Variants in HIVEP3 observed in about 807,000 individuals in gnomAD.
HIVEP3 encodes the protein HIVEP zinc finger 3.
A neutral mutation model predicts 152.8 loss-of-function variants in HIVEP3; 49 were observed. The ratio of observed to expected loss-of-function variants is 0.32; its 90% CI spans 0.26 to 0.41. The LOEUF is 0.41. Among genes scored for constraint, HIVEP3 ranks in the 10% least tolerant of loss-of-function variants. The pLI is 1.00. For synonymous variants in HIVEP3, 1,269 were observed against 1,289.0 expected (o/e 0.98, Z 0.33); for missense variants, 2,790 against 3,103.3 (o/e 0.90, Z 2.40).
chr1:41,863,077 T>G (rs1486328351), intron 1 of HIVEP3, among the ~76,000 whole-genome samples: 1 of 152,136 alleles, frequency 6.6e-6, no homozygotes, highest in Admixed American at 6.5e-5. Context: ...CAAACAGAAG[T>G]TGAATTTCAC....
In HIVEP3 at chr1:41,907,357, C is replaced by T. The variant is rs537706523; in HGVS notation, c.-801+11056G>A. Reference sequence around the variant, plus strand: ...AGGAAGCCAATGCCCTACTACTCTGCGGTAGCAGCAAGGTGAGCTCTTACC... The same window carrying T: ...AGGAAGCCAATGCCCTACTACTCTGTGGTAGCAGCAAGGTGAGCTCTTACC... On this transcript the variant is annotated intron_variant, in intron 1 of 8. Transcript: ENST00000372583. Among the ~76,000 whole-genome samples the T allele has an allele frequency of 9.2e-5, 14 of 152,254 alleles. No individual in the cohort carries two copies. The East Asian group carries it at 1.9e-3, about 21-fold the overall frequency.
Position 41,976,024 on chromosome 1 carries a change from A to G in HIVEP3, n.120-57500T>C, listed in dbSNP as rs1351800022. ...CAGCACGTACCAAACTCAGAAATTC[A>G]TCTCAAAACTAGTGGTTTCATCCAC... On this transcript the variant is annotated intron_variant and non_coding_transcript_variant, in intron 1 of 3. Coordinates refer to the HIVEP3 transcript ENST00000489103. Among the ~76,000 whole-genome samples the G allele has an allele frequency of 2.6e-5, 4 of 152,170 alleles. No individual in the cohort carries two copies. In the East Asian group the frequency reaches 7.7e-4, roughly 29 times the overall value.
chr1:41,669,186 C>T (rs1645838533), intron 2 of HIVEP3, among the ~76,000 whole-genome samples: 2 of 152,182 alleles, frequency 1.3e-5, no homozygotes, highest in South Asian at 4.1e-4. Context: ...GGGTCCTGGG[C>T]ACCTGGCTGT....
intron 1 of HIVEP3, among the ~76,000 whole-genome samples, chr1:41,788,419 C>A (rs925086563): frequency 6.6e-6 from 1 of 152,236 alleles, no homozygotes; most frequent in African/African-American, 2.4e-5. Context: ...GACCACTCAG[C>A]CAATGACCCC....
chr1:41,597,353 T>C (rs923741876), intron 3 of HIVEP3, among the ~76,000 whole-genome samples: 1 of 152,302 alleles, frequency 6.6e-6, no homozygotes, highest in African/African-American at 2.4e-5. Context: ...CTGCCAGACT[T>C]GCAGAGGCCC....
At chr1:41,910,049 T>C (rs1232654439) in intron 1 of HIVEP3, among the ~76,000 whole-genome samples, 2 of 151,640 alleles carry the variant, frequency 1.3e-5, no homozygotes, top group Non-Finnish European at 2.9e-5. Flanking sequence ...GAAAAATAGC[T>C]CAAATGTAAA....
rs554365240 is a variant in HIVEP3, at chr1:41,605,747, A to G, written c.-521-20429T>C. On this transcript the variant is annotated intron_variant, in intron 3 of 8. Transcript: ENST00000372583. ...GGGGATGAGTGGGAGAAAGACAGAA[A>G]GATGCTGGGGAAACCCTAATTGTGT... Among the ~76,000 whole-genome samples, 7 of 152,076 alleles carry G rather than the reference A, an allele frequency of 4.6e-5. No individual in the cohort carries two copies. The South Asian group carries it at 1.5e-3, about 32-fold the overall frequency.
At chr1:41,795,881 T>G in intron 1 of HIVEP3, among the ~76,000 whole-genome samples, 1 of 152,186 alleles carries the variant, frequency 6.6e-6, no homozygotes, top group Non-Finnish European at 1.5e-5. Context: ...GCTCATTTTT[T>G]TGTGTGTTTG....
At chr1:41,626,098 G>A (rs2149146122) in intron 3 of HIVEP3, among the ~76,000 whole-genome samples, 1 of 152,330 alleles carries the variant, frequency 6.6e-6, no homozygotes, top group South Asian at 2.1e-4. Context: ...CTTCTGAAGA[G>A]TGGCTGTGAC....
At chr1:41,709,948 G>C (rs192900243) in intron 1 of HIVEP3, among the ~76,000 whole-genome samples, 34 of 152,238 alleles carry the variant, frequency 2.2e-4, no homozygotes, top group African/African-American at 7.9e-4. Flanking sequence ...GTCTGGAGTG[G>C]GGCAGGGGGA....
chr1:41,983,124 C>T (rs984490768), intron 1 of HIVEP3, among the ~76,000 whole-genome samples: 4 of 152,186 alleles, frequency 2.6e-5, no homozygotes, highest in East Asian at 1.9e-4. Flanking sequence ...TGACAGGAGG[C>T]GGAGCTCAGG....
chr1:41,742,944 T>C (rs1647017834), intron 1 of HIVEP3, among the ~76,000 whole-genome samples: 2 of 152,216 alleles, frequency 1.3e-5, no homozygotes, highest in South Asian at 4.1e-4. Context: ...TAAACATCTC[T>C]GTGTCTGTTT....
At chr1:41,720,273 C>A (rs1368166454) in intron 1 of HIVEP3, among the ~76,000 whole-genome samples, 1 of 152,196 alleles carries the variant, frequency 6.6e-6, no homozygotes, top group Non-Finnish European at 1.5e-5. Flanking sequence ...CCCCAGACTG[C>A]AACTCTTGAA....
intron 1 of HIVEP3, among the ~76,000 whole-genome samples, chr1:41,817,141 A>G (rs1642430286): frequency 1.3e-5 from 2 of 152,210 alleles, no homozygotes; most frequent in African/African-American, 4.8e-5. Flanking sequence ...CTGAATGCTT[A>G]TTGAGGAGCC....
chr1:42,000,965 C>T (rs556183973), intron 1 of HIVEP3, among the ~76,000 whole-genome samples: 15 of 152,260 alleles, frequency 9.9e-5, no homozygotes, highest in African/African-American at 2.2e-4. Context: ...ATTCTAAGTG[C>T]GTTACATATA....
In HIVEP3 at chr1:41,908,980, G is replaced by A. The variant is rs141020321; in HGVS notation, c.-801+9433C>T. Among the ~76,000 whole-genome samples, 38 of 152,218 alleles carry A rather than the reference G, an allele frequency of 2.5e-4. No individual in the cohort carries two copies. In the East Asian group the frequency reaches 6.8e-3, roughly 27 times the overall value. On this transcript the variant is annotated intron_variant, in intron 1 of 8. Coordinates refer to ENST00000372583, the MANE Select transcript of HIVEP3 (RefSeq NM_024503.5). ...TAAAAATAAATATATACCTAGATACGCTTTGTGAAACTATAGAACACCAAA... is the reference window on the plus strand; with the variant it reads ...TAAAAATAAATATATACCTAGATACACTTTGTGAAACTATAGAACACCAAA...
intron 1 of HIVEP3, among the ~76,000 whole-genome samples, chr1:42,012,879 C>T (rs933864547): frequency 6.6e-6 from 1 of 152,152 alleles, no homozygotes; most frequent in Non-Finnish European, 1.5e-5. Context: ...TTTAACCCAC[C>T]CAGTCTATGC....
chr1:41,702,063 A>T (rs1646370665), intron 1 of HIVEP3, among the ~76,000 whole-genome samples: 1 of 152,172 alleles, frequency 6.6e-6, no homozygotes, highest in Non-Finnish European at 1.5e-5. Context: ...CTCAAGAGTA[A>T]GATGGAGATG....
At chr1:41,546,429 C>T (rs574788828) in intron 5 of HIVEP3, among the ~76,000 whole-genome samples, 25 of 152,290 alleles carry the variant, frequency 1.6e-4, no homozygotes, top group Admixed American at 7.8e-4. Flanking sequence ...GAAGGGTTCC[C>T]GAGACAGAAC....
Sources: gnomAD v4.1 joint callset for allele counts (sites outside exome capture counted in the v4.1 genomes callset) on GRCh38, gnomAD v4.1.1 for gene constraint, MANE v1.5 for transcripts, NCBI Gene and HGNC (gene_info 2026-07-23, HGNC 2026-07-21) for gene names.